Variants in SLC29A3 observed in about 807,000 individuals in gnomAD.
SLC29A3 encodes the protein equilibrative nucleoside transporter 3.
A neutral mutation model predicts 25.4 loss-of-function variants in SLC29A3; 18 were observed. The ratio of observed to expected loss-of-function variants is 0.71; its 90% confidence interval spans 0.49 to 1.05. The LOEUF is 1.05. Ranked by LOEUF, SLC29A3 falls within the 50% of genes least tolerant of loss-of-function variation. The pLI is 0.00. For missense variants in SLC29A3, 586 were observed against 609.0 expected (o/e 0.96, Z 0.40); for synonymous variants, 258 against 267.1 (o/e 0.97, Z 0.33).
In SLC29A3 at chr10:71,361,940, T is replaced by C; in HGVS notation, c.774-14T>C. On this transcript the variant is annotated splice_polypyrimidine_tract_variant and intron_variant, in intron 5 of 5. Coordinates refer to ENST00000373189, the MANE Select transcript of SLC29A3 (RefSeq NM_018344.6). The stretch of plus-strand genomic sequence containing the variant: ...AGCAACCTGCTTGATGGTGGCCCTG[T>C]CTCCTCCCTGCAGGTACTACATGAG... 2 of 1,613,734 alleles carry C rather than the reference T, an allele frequency of 1.2e-6. No homozygotes were observed. Among genetic ancestry groups the C allele is most frequent in the East Asian group, 4.5e-5 (2 of 44,870 alleles).
chr10:71,378,833 CCTTT>C (rs1216117798), intron 4 of SLC29A3, among the ~76,000 whole-genome samples: 1 of 152,170 alleles, frequency 6.6e-6, no homozygotes, highest in Non-Finnish European at 1.5e-5. Flanking sequence ...GGTCTCCTTC[CCTTT>C]CTTGTCTCAC....
In SLC29A3 at chr10:71,362,171, G is replaced by A. The variant is rs200004327; in HGVS notation, c.991G>A (p.Glu331Lys). ...CTACCCCGCCATCTGCACCAACATC[G>A]AGTCCCTCAACAAGGGTTCGGGCTC... ...LIYPAICTNI[E>K]SLNKGSGSLW... The change falls in exon 6 of 6, where the codon GAG becomes AAG. Residue 331 changes from glutamate (E) to lysine (K), a missense_variant. By Grantham distance (56) the Glu-to-Lys change is moderately conservative. Transcript: ENST00000373189. The A allele has an allele frequency of 1.8e-4, 294 of 1,613,754 alleles. No individual in the cohort carries two copies. Among genetic ancestry groups the A allele is most frequent in the Non-Finnish European group, 2.1e-4 (250 of 1,179,992 alleles).
chr10:71,321,652 C>T (rs1260571505), intron 1 of SLC29A3, among the ~76,000 whole-genome samples: 3 of 152,238 alleles, frequency 2.0e-5, no homozygotes, highest in Non-Finnish European at 4.4e-5. Flanking sequence ...CATTGCCAGC[C>T]AGTTGCAGTT....
chr10:71,331,551 G>A (rs951235123), intron 2 of SLC29A3, among the ~76,000 whole-genome samples: 1 of 152,214 alleles, frequency 6.6e-6, no homozygotes, highest in Non-Finnish European at 1.5e-5. Context: ...GAGGGCTCAG[G>A]TGCACAGAGA....
chr10:71,323,149 G>A, intron 2 of SLC29A3, 95 bp downstream of exon 2: 3 of 1,491,378 alleles, frequency 2.0e-6, no homozygotes, highest in Non-Finnish European at 2.8e-6. Context: ...CACATTTCCA[G>A]CCTTTAGATC....
chr10:71,374,788 T>C (rs568508217), intron 3 of SLC29A3, among the ~76,000 whole-genome samples: 2 of 152,328 alleles, frequency 1.3e-5, no homozygotes, highest in South Asian at 4.1e-4. Flanking sequence ...TTTTGCTCCA[T>C]GTAAAACCCT....
At chr10:71,380,450 G>C (rs2131862745) in exon 5 of SLC29A3, 1 of 152,280 alleles carries the variant, frequency 6.6e-6, no homozygotes, top group East Asian at 1.9e-4. Context: ...CCCTGAGGTT[G>C]TTCTAATGAG....
At chr10:71,349,191 T>C (rs1011421232) in intron 3 of SLC29A3, among the ~76,000 whole-genome samples, 1 of 152,196 alleles carries the variant, frequency 6.6e-6, no homozygotes, top group Admixed American at 6.5e-5. Context: ...AACCCTGATG[T>C]ACCTCTTTGC....
At chr10:71,375,171 G>A (rs1847240906) in intron 3 of SLC29A3, among the ~76,000 whole-genome samples, 1 of 152,114 alleles carries the variant, frequency 6.6e-6, no homozygotes, top group Non-Finnish European at 1.5e-5. Flanking sequence ...CATCCCACCT[G>A]CCCCACCGAC....
intron 1 of SLC29A3, among the ~76,000 whole-genome samples, chr10:71,321,507 C>T (rs1845845339): frequency 6.6e-6 from 1 of 152,218 alleles, no homozygotes; most frequent in South Asian, 2.1e-4. Flanking sequence ...CTGCCACATC[C>T]TAGGTGCTAT....
intron 2 of SLC29A3, among the ~76,000 whole-genome samples, chr10:71,340,597 T>C (rs1846377347): frequency 6.6e-6 from 1 of 152,216 alleles, no homozygotes; most frequent in South Asian, 2.1e-4. Context: ...CCCCAAACAC[T>C]GCTGTACATA....
intron 2 of SLC29A3, among the ~76,000 whole-genome samples, chr10:71,332,968 C>T (rs1193842507): frequency 6.6e-6 from 1 of 152,250 alleles, no homozygotes; most frequent in African/African-American, 2.4e-5. Flanking sequence ...CCCTTGCCCT[C>T]CAGGCTATTG....
At chr10:71,344,109 G>T in intron 2 of SLC29A3, 100 bp from the exon 3 acceptor site, 2 of 964,844 alleles carry the variant, frequency 2.1e-6, no homozygotes, top group South Asian at 2.6e-5. Flanking sequence ...GAAGACAGTG[G>T]GGAGAAGCCC....
intron 4 of SLC29A3, among the ~76,000 whole-genome samples, chr10:71,352,334 G>A (rs1041722845): frequency 6.6e-5 from 10 of 152,116 alleles, no homozygotes; most frequent in African/African-American, 2.4e-4. Flanking sequence ...ACCTCTGGGA[G>A]AGTATGAAAG....
chr10:71,330,982 C>T (rs1846105153), intron 2 of SLC29A3, among the ~76,000 whole-genome samples: 1 of 152,116 alleles, frequency 6.6e-6, no homozygotes, highest in Non-Finnish European at 1.5e-5. Context: ...GACTGGGACT[C>T]AGACCTGGGC....
chr10:71,356,005 C>G lies in SLC29A3; in HGVS notation c.611-76C>G. On this transcript the variant is annotated intron_variant, in intron 4 of 5. Coordinates refer to ENST00000373189, the MANE Select transcript of SLC29A3 (RefSeq NM_018344.6). ...GAATTTTTATTTTGGTTTGTGAAAC[C>G]CAAGCAGGGAGGGGCCCGCAGCCAC... The G allele has an allele frequency of 1.9e-6, 3 of 1,559,440 alleles. No homozygotes were observed. The South Asian group carries it at 3.3e-5, about 17-fold the overall frequency.
At chr10:71,361,112 T>C (rs1847042476) in intron 5 of SLC29A3, among the ~76,000 whole-genome samples, 1 of 152,236 alleles carries the variant, frequency 6.6e-6, no homozygotes, top group Non-Finnish European at 1.5e-5. Context: ...TGGAACAGTA[T>C]GTACCAGATT....
At chr10:71,377,422 T>C (rs943435222) in intron 4 of SLC29A3, among the ~76,000 whole-genome samples, 1 of 152,248 alleles carries the variant, frequency 6.6e-6, no homozygotes, top group African/African-American at 2.4e-5. Context: ...AGCCAGGGAC[T>C]GGACCGCCCC....
chr10:71,339,838 C>A (rs1427123812), intron 2 of SLC29A3, among the ~76,000 whole-genome samples: 2 of 152,134 alleles, frequency 1.3e-5, no homozygotes, highest in African/African-American at 4.8e-5. Flanking sequence ...TGGTGGAAAC[C>A]CCCCAGAGCC....
Sources: allele counts gnomAD v4.1 joint callset (sites outside exome capture counted in the v4.1 genomes callset), GRCh38; gene constraint gnomAD v4.1.1; transcripts MANE v1.5; gene names NCBI Gene and HGNC (gene_info 2026-07-23, HGNC 2026-07-21).